STEAP1: variants seen among roughly 807,000 people sequenced by gnomAD.
STEAP1 encodes the protein STEAP family member 1, also known as STEAP1 protein.
A neutral mutation model predicts 34.4 loss-of-function variants in STEAP1; 30 were observed. The observed-to-expected ratio is 0.87, with a 90% CI of 0.65 to 1.18. The LOEUF is 1.18. Ranked by LOEUF, STEAP1 falls within the 50% of genes most tolerant of loss-of-function variation. The pLI, the probability that STEAP1 is intolerant of heterozygous loss-of-function variation, is 0.00. For missense variants in STEAP1, 318 were observed against 391.1 expected (o/e 0.81, Z 1.58); for synonymous variants, 116 against 135.3 (o/e 0.86, Z 0.99).
chr7:90,158,826 T>C (rs1794147699), intron 1 of STEAP1, among the ~76,000 whole-genome samples: 1 of 152,224 alleles, frequency 6.6e-6, no homozygotes, highest in African/African-American at 2.4e-5. Flanking sequence ...ACCAAAGTGT[T>C]ATGTGACACA....
intron 1 of STEAP1, among the ~76,000 whole-genome samples, chr7:90,155,743 T>C (rs758430267): frequency 1.4e-4 from 22 of 152,196 alleles, no homozygotes; most frequent in Non-Finnish European, 2.8e-4. Flanking sequence ...TGTCATGGGC[T>C]TTTCCTTGGC....
At chr7:90,156,230 A>G (rs1365177784) in intron 1 of STEAP1, among the ~76,000 whole-genome samples, 1 of 152,196 alleles carries the variant, frequency 6.6e-6, no homozygotes, top group Non-Finnish European at 1.5e-5. Context: ...ATAGTAGGTG[A>G]CACTTCCATT....
At chr7:90,162,366 T>C (rs964430972) in intron 4 of STEAP1, 2 of 321,010 alleles carry the variant, frequency 6.2e-6, no homozygotes, top group South Asian at 5.6e-5. Flanking sequence ...TCTCGCTCTG[T>C]TGCCCATGCT....
chr7:90,163,616 A>C (rs1334843302), intron 4 of STEAP1, among the ~76,000 whole-genome samples: 1 of 152,202 alleles, frequency 6.6e-6, no homozygotes, highest in African/African-American at 2.4e-5. Context: ...CTGGGACTTA[A>C]GAATGCGCCT....
At position 90,162,039 on chromosome 7, in the gene STEAP1, G is replaced by A. The variant is rs767020073; in HGVS notation, c.723G>A (p.Val241=). 7 of 1,613,276 alleles carry A rather than the reference G, an allele frequency of 4.3e-6. No homozygotes were observed. Among genetic ancestry groups the A allele is most frequent in the Non-Finnish European group, 5.9e-6 (7 of 1,179,710 alleles). The change falls in exon 4 of 5, where the codon GTG becomes GTA. Residue 241 remains valine (V), a synonymous_variant. Transcript: ENST00000297205. ...TGGCTGTGACATCTATTCCATCTGT[G>A]AGTGACTCTTTGACATGGAGAGAAT... The part of the protein sequence containing the change: ...ALLAVTSIPS[V]SDSLTWREFH...
intron 4 of STEAP1, among the ~76,000 whole-genome samples, chr7:90,163,365 G>C (rs1794211071): frequency 6.6e-6 from 1 of 152,138 alleles, no homozygotes; most frequent in Admixed American, 6.6e-5. Flanking sequence ...CTGCTTTTTA[G>C]ACTTCATTAG....
chr7:90,159,537 A>G (rs183115892), intron 1 of STEAP1, among the ~76,000 whole-genome samples: 51 of 152,348 alleles, frequency 3.3e-4, no homozygotes, highest in African/African-American at 1.2e-3. Flanking sequence ...TTGAACAAAT[A>G]AGTAGATAAA....
chr7:90,160,962 T>G lies in STEAP1; in HGVS notation c.242T>G (p.Ile81Arg), dbSNP rs1269627853. The change falls in exon 3 of 5, where the codon ATA (isoleucine) becomes AGA (arginine). Residue 81 changes from isoleucine (I) to arginine (R), a missense_variant. Transcript: ENST00000297205. ...WHLPIKIAAIIASLTFLYTLL... is the reference protein window; with the variant it reads ...WHLPIKIAAIRASLTFLYTLL... ...TTGCCAATTAAAATAGCTGCTATTA[T>G]AGCATCTCTGACTTTTCTTTACACT... The G allele has an allele frequency of 3.1e-6, 5 of 1,614,020 alleles. No individual in the cohort carries two copies. In the South Asian group the frequency reaches 5.5e-5, roughly 18 times the overall value.
chr7:90,161,939 G>A lies in STEAP1; in HGVS notation c.623G>A (p.Trp208Ter). ...QQVQQNKEDA[W>*]IEHDVWRMEI... ...GTCCAACAAAATAAAGAAGATGCCTGGATTGAGCATGATGTTTGGAGAATG... is the reference window on the plus strand; with the variant it reads ...GTCCAACAAAATAAAGAAGATGCCTAGATTGAGCATGATGTTTGGAGAATG... The change falls in exon 4 of 5, where the codon TGG (tryptophan) becomes TAG (stop). Residue 208 changes from tryptophan to a stop codon, truncating the protein, a stop_gained. Transcript: ENST00000297205. LOFTEE classifies it high-confidence loss of function. 5 of 1,611,726 alleles carry A rather than the reference G, an allele frequency of 3.1e-6. No individual in the cohort carries two copies. The highest frequency in any genetic ancestry group is 4.2e-6 in the Non-Finnish European group (5 of 1,179,260).
In STEAP1 at chr7:90,162,844, T is replaced by C. The variant is rs17867041; in HGVS notation, c.762+766T>C. The C allele has an allele frequency of 6.0e-3, 1,302 of 218,592 alleles. 18 individuals are homozygous for C. The highest frequency in any genetic ancestry group is 0.027 in the African/African-American group (1,220 of 45,206). 13.5% of individuals were successfully genotyped at this position (218,592 alleles called of 1,614,324 possible). Reference sequence around the variant, plus strand: ...ATAGAGTTTTTATCTACCAAAGATATTCTAGTGTCTCATTTCAAAGGCTGC... The same window carrying C: ...ATAGAGTTTTTATCTACCAAAGATACTCTAGTGTCTCATTTCAAAGGCTGC... On this transcript the variant is annotated intron_variant, in intron 4 of 4. Coordinates refer to ENST00000297205, the MANE Select transcript of STEAP1 (RefSeq NM_012449.3).
chr7:90,161,823 T>G (rs1214958603), intron 3 of STEAP1, 91 bp from the exon 4 acceptor site: 5 of 1,490,468 alleles, frequency 3.4e-6, no homozygotes, highest in Admixed American at 2.4e-5. Flanking sequence ...CAGGGCTTCA[T>G]AGTAGGCACA....
rs1417320784 is a variant in STEAP1 at position 90,163,017 on chromosome 7, C to CT, written c.762+941dup. The CT allele has an allele frequency of 4.6e-5, 20 of 434,710 alleles. No individual in the cohort carries two copies. The Admixed American group carries it at 4.7e-4, about 10-fold the overall frequency. 26.9% of individuals were successfully genotyped at this position (434,710 alleles called of 1,614,324 possible). On this transcript the variant is annotated intron_variant, in intron 4 of 4. Coordinates refer to ENST00000297205, the MANE Select transcript of STEAP1 (RefSeq NM_012449.3). ...GATGTGCCAGAATCACTCTGGGATC[C>CT]TTGTCTGACAAGATTCAAAGGACTA... is the stretch of plus-strand genomic sequence containing the variant.
At chr7:90,155,574 G>T (rs999355771) in intron 1 of STEAP1, among the ~76,000 whole-genome samples, 1 of 152,146 alleles carries the variant, frequency 6.6e-6, no homozygotes, top group Non-Finnish European at 1.5e-5. Context: ...GTTGTTTTCT[G>T]TTATTTTTCT....
intron 4 of STEAP1, among the ~76,000 whole-genome samples, chr7:90,164,261 T>A (rs1169322273): frequency 1.3e-5 from 2 of 152,174 alleles, no homozygotes; most frequent in Non-Finnish European, 2.9e-5. Flanking sequence ...GTGAATTTTG[T>A]TCACTTAGAC....
chr7:90,160,827 G>A lies in STEAP1; in HGVS notation c.107G>A (p.Ser36Asn), dbSNP rs1169008652. Residue 36 changes from serine (S) to asparagine (N), a missense_variant, in exon 3 of 5, where the codon AGC (serine) becomes AAC (asparagine). Coordinates refer to ENST00000297205, the MANE Select transcript of STEAP1 (RefSeq NM_012449.3). ...DYLHKDTGETSMLKRPVLLHL... is the reference protein window; with the variant it reads ...DYLHKDTGETNMLKRPVLLHL... ...TAGCATAAGGACACGGGAGAGACCA[G>A]CATGCTAAAAAGACCTGTGCTTTTG... 59 of 1,613,786 alleles carry A rather than the reference G, an allele frequency of 3.7e-5. No homozygotes were observed. The highest frequency in any genetic ancestry group is 4.8e-5 in the Non-Finnish European group (57 of 1,179,792).
At position 90,160,907 on chromosome 7, in the gene STEAP1, C is replaced by T; in HGVS notation, c.187C>T (p.His63Tyr). The change falls in exon 3 of 5, where the codon CAC becomes TAC. Residue 63 changes from histidine to tyrosine, a missense_variant. Transcript: ENST00000297205. ...ATTTGACTGCCCTTCAGAACTTCAG[C>T]ACACACAGGAACTCTTTCCACAGTG... ...DEFDCPSELQHTQELFPQWHL... is the reference protein window; with the variant it reads ...DEFDCPSELQYTQELFPQWHL... 1 of 1,614,042 alleles carries T rather than the reference C, an allele frequency of 6.2e-7. No homozygotes were observed. Among genetic ancestry groups the T allele is most frequent in the South Asian group, 1.1e-5 (1 of 91,082 alleles).
Position 90,162,038 on chromosome 7 carries a change from T to C in STEAP1, c.722T>C (p.Val241Ala). 1.9e-6 allele frequency: 3 copies of C among 1,613,272 alleles called. No homozygotes were observed. The highest frequency in any genetic ancestry group is 1.7e-6 in the Non-Finnish European group (2 of 1,179,702). The change falls in exon 4 of 5, where the codon GTG (valine) becomes GCG (alanine). Residue 241 changes from valine to alanine, a missense_variant. Physicochemically the swap from Val to Ala is moderately conservative, Grantham distance 64. Coordinates refer to ENST00000297205, the MANE Select transcript of STEAP1 (RefSeq NM_012449.3). ...ALLAVTSIPSVSDSLTWREFH... is the reference protein window; with the variant it reads ...ALLAVTSIPSASDSLTWREFH... ...TTGGCTGTGACATCTATTCCATCTGTGAGTGACTCTTTGACATGGAGAGAA... is the reference window on the plus strand; with the variant it reads ...TTGGCTGTGACATCTATTCCATCTGCGAGTGACTCTTTGACATGGAGAGAA...
chr7:90,156,084 T>C (rs951602993), intron 1 of STEAP1, among the ~76,000 whole-genome samples: 3 of 152,226 alleles, frequency 2.0e-5, no homozygotes, highest in Non-Finnish European at 4.4e-5. Flanking sequence ...CCTCCTGCCT[T>C]ACATTGTTGT....
chr7:90,157,075 T>C (rs1231883250), intron 1 of STEAP1, among the ~76,000 whole-genome samples: 1 of 152,210 alleles, frequency 6.6e-6, no homozygotes, highest in Non-Finnish European at 1.5e-5. Flanking sequence ...CTCTTTAATG[T>C]TGGTCACAGA....
Sources: gnomAD v4.1 joint callset for allele counts (sites outside exome capture counted in the v4.1 genomes callset) on GRCh38, gnomAD v4.1.1 for gene constraint, MANE v1.5 for transcripts, NCBI Gene and HGNC (gene_info 2026-07-23, HGNC 2026-07-21) for gene names.